The following SLC4A3 variants were observed in gnomAD, a reference collection of about 807,000 sequenced individuals.
The protein encoded by SLC4A3 is solute carrier family 4 member 3, also known as anion exchange protein 3.
In SLC4A3, 47 loss-of-function variants were observed where a neutral mutation model predicts 114.2. That is an observed-to-expected ratio of 0.41 (90% CI 0.33 to 0.52). SLC4A3 has a LOEUF of 0.52. Ranked by LOEUF, SLC4A3 falls within the 20% of genes least tolerant of loss-of-function variation. The probability of loss-of-function intolerance (pLI) is 0.21; values close to 1 mark genes in which losing one functional copy is unlikely to be tolerated. For missense variants in SLC4A3, 1,312 were observed against 1,668.3 expected, an observed-to-expected ratio of 0.79 and a Z score of 3.72; for synonymous variants, 693 against 710.3, an observed-to-expected ratio of 0.98 and a Z score of 0.39.
At chr2:219,632,602 G>A (rs1410066332) in intron 8 of SLC4A3, among the ~76,000 whole-genome samples, 160 bp downstream of exon 8, 3 of 152,264 alleles carry the variant, frequency 2.0e-5, no homozygotes, top group Non-Finnish European at 4.4e-5. Flanking sequence ...CGTGAGCCCC[G>A]AGGGGCAGGG....
chr2:219,634,394 C>G (rs573883552), intron 11 of SLC4A3, 26 bp from the exon 12 acceptor site: 2 of 1,610,602 alleles, frequency 1.2e-6, no homozygotes, highest in East Asian at 4.5e-5. Context: ...CTTTGCCCAG[C>G]GCCCTGTGCT....
Position 219,637,832 on chromosome 2 carries a change from G to A in SLC4A3, c.2766+21G>A, listed in dbSNP as rs755257953. 5.2e-6 allele frequency: 8 copies of A among 1,543,568 alleles called. No homozygotes were observed. Among genetic ancestry groups the A allele is most frequent in the Non-Finnish European group, 7.2e-6 (8 of 1,116,160 alleles). On this transcript the variant is annotated intron_variant, in intron 17 of 22. Coordinates refer to ENST00000358055, the MANE Select transcript of SLC4A3 (RefSeq NM_005070.4). This position sits in a 1 kb window ranked among gnomAD's most constrained non-coding sequence, Gnocchi z 4.6. ...GCAAGGTGCGTGGCTGCTGGGTGTG[G>A]AGCCCCCAAGAGTCCCACAATTCCT...
rs976025162 is a variant in SLC4A3 at position 219,637,888 on chromosome 2, C to A, written c.2766+77C>A. The A allele has an allele frequency of 6.6e-6, 8 of 1,219,672 alleles. No homozygotes were observed. In the African/African-American group the frequency reaches 9.0e-5, roughly 14 times the overall value. 75.6% of individuals were successfully genotyped at this position (1,219,672 alleles called of 1,614,324 possible). A position where few individuals can be genotyped will look rare whatever the true frequency, so the allele number is the denominator to read the frequency against. ...AGGAGCTCCCCAGAGAGGCTGCACCCCTTCCCCGGTCAGCCCATGGACCAA... is the reference window on the plus strand; with the variant it reads ...AGGAGCTCCCCAGAGAGGCTGCACCACTTCCCCGGTCAGCCCATGGACCAA... On this transcript the variant is annotated intron_variant, in intron 17 of 22. Coordinates refer to ENST00000358055, the MANE Select transcript of SLC4A3 (RefSeq NM_005070.4). The surrounding 1 kb of genome is among the most constrained non-coding windows in gnomAD (Gnocchi z 4.6).
chr2:219,638,797 G>C lies in SLC4A3; in HGVS notation c.2951G>C (p.Trp984Ser). Residue 984 changes from tryptophan to serine, a missense_variant, in exon 19 of 23, where the codon TGG becomes TCG. Trp to Ser is a radical substitution (Grantham distance 177). This residue lies in a region of SLC4A3 where 301 missense variants were observed against 460.7 expected (regional missense o/e 0.65). Coordinates refer to ENST00000358055, the MANE Select transcript of SLC4A3 (RefSeq NM_005070.4). This position sits in a 1 kb window ranked among gnomAD's most constrained non-coding sequence, Gnocchi z 7.5. Reference protein sequence around the residue: ...PLGSARPFPPWMMVAAAVPAL... With the variant: ...PLGSARPFPPSMMVAAAVPAL... ...GGCAGTGCCCGTCCTTTCCCGCCGT[G>C]GATGATGGTGGCAGCCGCTGTTCCC... The C allele has an allele frequency of 1.2e-6, 2 of 1,614,174 alleles. No homozygotes were observed. The highest frequency in any genetic ancestry group is 1.7e-6 in the Non-Finnish European group (2 of 1,180,034).
At position 219,633,305 on chromosome 2, in the gene SLC4A3, T is replaced by C. The variant is rs1037207414; in HGVS notation, c.1309T>C (p.Phe437Leu). ...CAACGATGACAAGGACAGTGGCTTC[T>C]TTCCCCGAAACCCATCGAGCTCCAG... ...HPNDDKDSGF[F>L]PRNPSSSSMN... The change falls in exon 10 of 23, where the codon TTT becomes CTT. Residue 437 changes from phenylalanine to leucine, a missense_variant. Physicochemically the swap from Phe to Leu is conservative, Grantham distance 22. Coordinates refer to ENST00000358055, the MANE Select transcript of SLC4A3 (RefSeq NM_005070.4). 1.3e-6 allele frequency: 2 copies of C among 1,585,010 alleles called. No homozygotes were observed. The highest frequency in any genetic ancestry group is 1.7e-6 in the Non-Finnish European group (2 of 1,164,242).
rs1185653959 is a variant in SLC4A3 at position 219,633,424 on chromosome 2, C to T, written c.1428C>T (p.Ala476=). The T allele has an allele frequency of 6.4e-7, 1 of 1,566,964 alleles. No homozygotes were observed. The highest frequency in any genetic ancestry group is 8.6e-7 in the Non-Finnish European group (1 of 1,156,488). Residue 476 remains alanine, a synonymous_variant, in exon 10 of 23, where the codon GCC becomes GCT. Coordinates refer to ENST00000358055, the MANE Select transcript of SLC4A3 (RefSeq NM_005070.4). ...TGGCTGATGACCTGGGGGAGCCAGC[C>T]CCACTCTGGCCACATGACCCTGACG... ...PTMADDLGEP[A]PLWPHDPDAK...
Position 219,641,584 on chromosome 2 carries a change from G to A in SLC4A3, c.3622-67G>A. On this transcript the variant is annotated intron_variant, in intron 22 of 22. Transcript: ENST00000358055. This position sits in a 1 kb window ranked among gnomAD's most constrained non-coding sequence, Gnocchi z 4.0. Reference sequence around the variant, plus strand: ...GCAGGGAGGGCTGCAGGTTGGAGGAGGAGCTGGAGAATGGGAGGGGACGAG... The same window carrying A: ...GCAGGGAGGGCTGCAGGTTGGAGGAAGAGCTGGAGAATGGGAGGGGACGAG... The A allele has an allele frequency of 7.8e-7, 1 of 1,275,908 alleles. No homozygotes were observed. Among genetic ancestry groups the A allele is most frequent in the Non-Finnish European group, 1.1e-6 (1 of 875,122 alleles). 79.0% of individuals were successfully genotyped at this position (1,275,908 alleles called of 1,614,324 possible). A position where few individuals can be genotyped will look rare whatever the true frequency, so the allele number is the denominator to read the frequency against.
In SLC4A3 at chr2:219,630,152, G is replaced by A. The variant is rs201686028; in HGVS notation, c.612-1G>A. 1 of 1,611,054 alleles carries A rather than the reference G, an allele frequency of 6.2e-7. No individual in the cohort carries two copies. The highest frequency in any genetic ancestry group is 2.2e-5 in the East Asian group (1 of 44,820). On this transcript the variant is annotated splice_acceptor_variant, in intron 5 of 22. Transcript: ENST00000358055. LOFTEE classifies it high-confidence loss of function. The surrounding 1 kb of genome is among the most constrained non-coding windows in gnomAD (Gnocchi z 6.9). ...CCAAGGCTGCTGTGTTGCCTCCCCAGCTCCCCCAGCCCCCGGGCCCGGGCC... is the reference window on the plus strand; with the variant it reads ...CCAAGGCTGCTGTGTTGCCTCCCCAACTCCCCCAGCCCCCGGGCCCGGGCC...
In SLC4A3 at chr2:219,631,291, G is replaced by T. The variant is rs1170483783; in HGVS notation, c.812-677G>T. Reference sequence around the variant, plus strand: ...GAGCCCAATGGGGCACTGAGCCCTGGGCCTGGGGATACCAATAGCTGGGGC... The same window carrying T: ...GAGCCCAATGGGGCACTGAGCCCTGTGCCTGGGGATACCAATAGCTGGGGC... On this transcript the variant is annotated intron_variant, in intron 6 of 22. Coordinates refer to ENST00000358055, the MANE Select transcript of SLC4A3 (RefSeq NM_005070.4). This position sits in a 1 kb window ranked among gnomAD's most constrained non-coding sequence, Gnocchi z 6.3. The T allele has an allele frequency of 2.0e-5, 26 of 1,303,442 alleles. No homozygotes were observed. The highest frequency in any genetic ancestry group is 2.6e-5 in the Non-Finnish European group (26 of 988,364). 80.7% of individuals were successfully genotyped at this position (1,303,442 alleles called of 1,614,324 possible).
In SLC4A3 at chr2:219,636,315, G is replaced by A; in HGVS notation, c.2205G>A (p.Glu735=). The change falls in exon 15 of 23, where the codon GAG becomes GAA. Residue 735 remains glutamate (E), a synonymous_variant. Transcript: ENST00000358055. This position sits in a 1 kb window ranked among gnomAD's most constrained non-coding sequence, Gnocchi z 5.5. Reference sequence around the variant, plus strand: ...GTGCTATGGCAGGAGAGAAGACCGAGGGGCTGATGGGCGTGTCCGAGCTGA... The same window carrying A: ...GTGCTATGGCAGGAGAGAAGACCGAAGGGCTGATGGGCGTGTCCGAGCTGA... ...TFGGLLGEKT[E]GLMGVSELIV... 4 of 1,613,746 alleles carry A rather than the reference G, an allele frequency of 2.5e-6. No individual in the cohort carries two copies. The highest frequency in any genetic ancestry group is 3.4e-6 in the Non-Finnish European group (4 of 1,179,936).
rs997678427 is a variant in SLC4A3, at chr2:219,637,981, C to T, written c.2766+170C>T. 6.6e-6 allele frequency among the ~76,000 whole-genome samples: 1 copy of T among 152,188 alleles called. No individual in the cohort carries two copies. Among genetic ancestry groups the T allele is most frequent in the East Asian group, 1.9e-4 (1 of 5,190 alleles). On this transcript the variant is annotated intron_variant, in intron 17 of 22. Coordinates refer to ENST00000358055, the MANE Select transcript of SLC4A3 (RefSeq NM_005070.4). The surrounding 1 kb of genome is among the most constrained non-coding windows in gnomAD (Gnocchi z 4.6). The stretch of plus-strand genomic sequence containing the variant: ...CCTGGGTGTCTTCTTGCCCTTTGCT[C>T]AGAGAAGTCTAATCAAGACAACAGC...
Position 219,641,873 on chromosome 2 carries a change from C to T in SLC4A3, c.*145C>T, listed in dbSNP as rs956254478. 9.2e-6 allele frequency: 6 copies of T among 649,914 alleles called. No individual in the cohort carries two copies. In the Admixed American group the frequency reaches 1.4e-4, roughly 15 times the overall value. 40.3% of individuals were successfully genotyped at this position (649,914 alleles called of 1,614,324 possible). ...CTCCTGATGCCATGGCTAGAGTGGCCCCCCTGACTTCTGCCCGGGGTGTTG... is the reference window on the plus strand; with the variant it reads ...CTCCTGATGCCATGGCTAGAGTGGCTCCCCTGACTTCTGCCCGGGGTGTTG... On this transcript the variant is annotated 3_prime_UTR_variant, in exon 23 of 23. Transcript: ENST00000358055. The surrounding 1 kb of genome is among the most constrained non-coding windows in gnomAD (Gnocchi z 4.0).
chr2:219,629,753 TC>T (rs890621080), intron 5 of SLC4A3, 58 bp downstream of exon 5: 2 of 1,172,320 alleles, frequency 1.7e-6, no homozygotes, highest in African/African-American at 3.2e-5. Context: ...GGTCCAGAGC[TC>T]CTGGCAGTCA....
chr2:219,635,686 G>A lies in SLC4A3; in HGVS notation c.1986G>A (p.Glu662=). The change falls in exon 14 of 23, where the codon GAG becomes GAA. Residue 662 remains glutamate (E), a synonymous_variant. Transcript: ENST00000358055. ...TTGTTCCCCCAGAACTGTCTTTGGA[G>A]TTGGGGGGCTCTGAGGCAACCCCTG... is the stretch of plus-strand genomic sequence containing the variant. The part of the protein sequence containing the change: ...YTAPGKELSL[E]LGGSEATPED... The A allele has an allele frequency of 6.3e-7, 1 of 1,587,780 alleles. No homozygotes were observed. The highest frequency in any genetic ancestry group is 1.2e-5 in the South Asian group (1 of 86,716).
At chr2:219,632,772 C>A in intron 8 of SLC4A3, 102 bp from the exon 9 acceptor site, 1 of 1,497,002 alleles carries the variant, frequency 6.7e-7, no homozygotes, top group Non-Finnish European at 9.1e-7. Flanking sequence ...GCGCTTTGCC[C>A]TTCCAGCACA....
Position 219,636,006 on chromosome 2 carries a change from G to A in SLC4A3, c.2191+115G>A, listed in dbSNP as rs966811153. 8.2e-6 allele frequency: 7 copies of A among 855,862 alleles called. No homozygotes were observed. The highest frequency in any genetic ancestry group is 5.5e-5 in the South Asian group (3 of 54,806). 53.0% of individuals were successfully genotyped at this position (855,862 alleles called of 1,614,324 possible). On this transcript the variant is annotated intron_variant, in intron 14 of 22. Transcript: ENST00000358055. This position sits in a 1 kb window ranked among gnomAD's most constrained non-coding sequence, Gnocchi z 5.5. ...CACATTAGGGGGCCAATGGTTAGAT[G>A]TGCTAGCAAAGGTGTAAGCACCTTA...
Position 219,627,715 on chromosome 2 carries a change from G to A in SLC4A3, c.-124G>A, listed in dbSNP as rs900835864. ...CGGGGGACATGGGGCGCGGCGGCCC[G>A]CCTGGGCCTCGCAGGCTCCGGAGCC... is the stretch of plus-strand genomic sequence containing the variant. On this transcript the variant is annotated 5_prime_UTR_variant, in exon 1 of 23. Transcript: ENST00000358055. The A allele has an allele frequency of 3.6e-5, 9 of 247,022 alleles. No homozygotes were observed. In the East Asian group the frequency reaches 5.3e-4, roughly 14 times the overall value. 15.3% of individuals were successfully genotyped at this position (247,022 alleles called of 1,614,324 possible). A position where few individuals can be genotyped will look rare whatever the true frequency, so the allele number is the denominator to read the frequency against.
Position 219,627,940 on chromosome 2 carries a change from C to T in SLC4A3, c.-53C>T, listed in dbSNP as rs1211259735. 18 of 1,536,070 alleles carry T rather than the reference C, an allele frequency of 1.2e-5. No homozygotes were observed. The Admixed American group carries it at 2.8e-4, about 24-fold the overall frequency. On this transcript the variant is annotated 5_prime_UTR_variant, in exon 2 of 23. Transcript: ENST00000358055. Reference sequence around the variant, plus strand: ...CCCCTCAGTGGCCCCTCCTTCTCACCTGGGTCTCGGGTCCCCTAGTGAGCG... The same window carrying T: ...CCCCTCAGTGGCCCCTCCTTCTCACTTGGGTCTCGGGTCCCCTAGTGAGCG...
Position 219,632,870 on chromosome 2 carries a change from C to T in SLC4A3, c.1142-4C>T, listed in dbSNP as rs754702504. The T allele has an allele frequency of 3.7e-6, 6 of 1,613,896 alleles. No individual in the cohort carries two copies. In the South Asian group the frequency reaches 6.6e-5, roughly 18 times the overall value. On this transcript the variant is annotated splice_region_variant and splice_polypyrimidine_tract_variant and intron_variant, in intron 8 of 22. Coordinates refer to ENST00000358055, the MANE Select transcript of SLC4A3 (RefSeq NM_005070.4). ...GCCCTCTCTGTGCCTGACTGTCCCC[C>T]TAGGAGCTGCCCTCCTGGACCTGGA...
Sources: allele counts gnomAD v4.1 joint callset (sites outside exome capture counted in the v4.1 genomes callset), GRCh38; gene constraint gnomAD v4.1.1; regional missense constraint gnomAD v4.1.1; non-coding constraint Gnocchi (gnomAD v3.1); transcripts MANE v1.5; gene names NCBI Gene and HGNC (gene_info 2026-07-23, HGNC 2026-07-21).